STARD13: variants seen among roughly 807,000 people sequenced by gnomAD.
The protein encoded by STARD13 is StAR related lipid transfer domain containing 13, also known as stAR-related lipid transfer protein 13.
A neutral mutation model predicts 106.4 loss-of-function variants in STARD13; 62 were observed. The ratio of observed to expected loss-of-function variants is 0.58; its 90% confidence interval spans 0.48 to 0.72. The LOEUF (loss-of-function observed/expected upper bound fraction) is 0.72, where lower values mean the gene tolerates loss of function less well. STARD13 is among the 30% of genes least tolerant of loss of function. The pLI is 0.00. For missense variants in STARD13, 1,387 were observed against 1,424.0 expected (o/e 0.97, Z 0.42); for synonymous variants, 565 against 553.0 (o/e 1.02, Z -0.31).
chr13:33,287,429 A>G (rs12876171), upstream of STARD13, among the ~76,000 whole-genome samples: 1 of 152,200 alleles, frequency 6.6e-6, no homozygotes. Flanking sequence ...AAGAGTCATC[A>G]TGTCTTTGTT....
At chr13:33,388,533 C>T in the STARD13 span, among the ~76,000 whole-genome samples, 1 of 152,134 alleles carries the variant, frequency 6.6e-6, no homozygotes, top group Non-Finnish European at 1.5e-5. Context: ...AGTTGGGGCC[C>T]AAGCTGAGTA....
At chr13:33,401,728 T>C in the STARD13 span, among the ~76,000 whole-genome samples, 1 of 152,248 alleles carries the variant, frequency 6.6e-6, no homozygotes, top group African/African-American at 2.4e-5. Context: ...CTTGCAAATT[T>C]ACTTTCATCT....
At chr13:33,281,406 A>ATGTGTGTGTGTGTGTGTGTG (rs34351733) in intron 1 of STARD13, 6 of 146,750 alleles carry the variant, frequency 4.1e-5, no homozygotes, top group Admixed American at 2.0e-4. Flanking sequence ...TTTTCCAAAT[A>ATGTGTGTGTGTGTGTGTGTG]TGTGTGTGTG....
chr13:33,300,505 CT>C (rs1289140214), intron 1 of STARD13, among the ~76,000 whole-genome samples: 1 of 152,192 alleles, frequency 6.6e-6, no homozygotes. Flanking sequence ...GATGCCTAGA[CT>C]TTTCTCTGGA....
rs73176871 is a variant in STARD13, at chr13:33,111,255, A to G, written c.2608-348T>C. ...TATGAATAAGACTTAAAACAGACAG[A>G]CTTGTGAAGGGAAACATCAAACATG... On this transcript the variant is annotated intron_variant, in intron 10 of 13. Coordinates refer to ENST00000336934, the MANE Select transcript of STARD13 (RefSeq NM_178006.4). 8.4e-3 allele frequency among the ~76,000 whole-genome samples: 1,276 copies of G among 152,350 alleles called. 9 individuals are homozygous for G. Among genetic ancestry groups the G allele is most frequent in the Non-Finnish European group, 0.012 (842 of 68,028 alleles).
chr13:33,157,331 A>G (rs1047803399), intron 3 of STARD13, among the ~76,000 whole-genome samples: 18 of 152,206 alleles, frequency 1.2e-4, no homozygotes, highest in Admixed American at 8.5e-4. Context: ...TTATTAAAAA[A>G]CACAAATTAT....
rs143019225 is a variant in STARD13, at chr13:33,117,546, A to G, written c.2281+519T>C. Reference sequence around the variant, plus strand: ...ACTTAACATTATTAAAAAAAATCCAAGTGAAAATATAAATAAGTTTATTTA... The same window carrying G: ...ACTTAACATTATTAAAAAAAATCCAGGTGAAAATATAAATAAGTTTATTTA... On this transcript the variant is annotated intron_variant, in intron 8 of 13. Transcript: ENST00000336934. 5.4e-5 allele frequency: 47 copies of G among 864,422 alleles called. No individual in the cohort carries two copies. The African/African-American group carries it at 8.2e-4, about 15-fold the overall frequency. The allele number at this position is 864,422 out of a possible 1,614,324, so 53.5% of individuals were successfully genotyped here.
chr13:33,586,659 T>C, the STARD13 span, among the ~76,000 whole-genome samples: 1 of 152,150 alleles, frequency 6.6e-6, no homozygotes, highest in African/African-American at 2.4e-5. Context: ...GGACCAGTGA[T>C]CTGATCTTTT....
chr13:33,382,928 A>G, the STARD13 span, among the ~76,000 whole-genome samples: 79 of 152,338 alleles, frequency 5.2e-4, no homozygotes, highest in South Asian at 2.3e-3. Context: ...GTATCATTCC[A>G]TGATATCTAG....
the STARD13 span, among the ~76,000 whole-genome samples, chr13:33,490,580 G>A: frequency 6.6e-6 from 1 of 152,122 alleles, no homozygotes; most frequent in Non-Finnish European, 1.5e-5. Context: ...CCGCTGGGTG[G>A]CCCAACTCCA....
At chr13:33,329,403 T>C (rs1480518157) in intron 1 of STARD13, among the ~76,000 whole-genome samples, 2 of 150,996 alleles carry the variant, frequency 1.3e-5, no homozygotes, top group African/African-American at 5.0e-5. Context: ...ATAATTACCA[T>C]TTTGGCACCC....
intron 1 of STARD13, chr13:33,350,201 CA>C: frequency 7.1e-7 from 1 of 1,408,638 alleles, no homozygotes. Context: ...CCCTGGAGCC[CA>C]GAGCAGAGGA....
chr13:33,352,749 C>T (rs952094797), upstream of STARD13, among the ~76,000 whole-genome samples: 27 of 152,336 alleles, frequency 1.8e-4, no homozygotes, highest in African/African-American at 5.3e-4. Context: ...TGGAAGAAAC[C>T]ACACAGCTGT....
At chr13:33,134,220 G>A (rs1481409320) in intron 4 of STARD13, among the ~76,000 whole-genome samples, 1 of 70,532 alleles carries the variant, frequency 1.4e-5, no homozygotes, top group Non-Finnish European at 4.2e-5. Flanking sequence ...CATATTGGAA[G>A]AAGAAGAATT....
the STARD13 span, among the ~76,000 whole-genome samples, chr13:33,496,758 A>T: frequency 6.6e-6 from 1 of 152,134 alleles, no homozygotes; most frequent in African/African-American, 2.4e-5. Context: ...CAGTTTATAC[A>T]TATTCATTGC....
chr13:33,653,143 G>A, the STARD13 span, among the ~76,000 whole-genome samples: 45 of 152,166 alleles, frequency 3.0e-4, no homozygotes, highest in African/African-American at 1.0e-3. Context: ...ATCAAATTCC[G>A]AGACATGTGC....
the STARD13 span, among the ~76,000 whole-genome samples, chr13:33,467,096 C>T: frequency 6.6e-6 from 1 of 151,966 alleles, no homozygotes; most frequent in Non-Finnish European, 1.5e-5. Flanking sequence ...TTATTGTTAA[C>T]TTTATTTCTA....
chr13:33,516,169 A>G, the STARD13 span, among the ~76,000 whole-genome samples: 1 of 147,910 alleles, frequency 6.8e-6, no homozygotes, highest in Admixed American at 6.8e-5. Context: ...TATAATGTAT[A>G]TATAATTCAT....
chr13:33,254,769 G>T (rs1051577795), intron 1 of STARD13, among the ~76,000 whole-genome samples: 7 of 152,308 alleles, frequency 4.6e-5, no homozygotes, highest in Admixed American at 3.9e-4. Flanking sequence ...TCAGAGAGGA[G>T]TTTGGCTGCT....
Sources: gnomAD v4.1 joint callset for allele counts (sites outside exome capture counted in the v4.1 genomes callset) on GRCh38, gnomAD v4.1.1 for gene constraint, MANE v1.5 for transcripts, NCBI Gene and HGNC (gene_info 2026-07-23, HGNC 2026-07-21) for gene names.